Variants in MICAL3 observed in about 807,000 individuals in gnomAD.
MICAL3 encodes the protein microtubule associated monooxygenase, calponin and LIM domain containing 3.
A neutral mutation model predicts 207.4 loss-of-function variants in MICAL3; 62 were observed. That is an observed-to-expected ratio of 0.30 (90% CI 0.24 to 0.37). The LOEUF (loss-of-function observed/expected upper bound fraction) is 0.37, where lower values mean the gene tolerates loss of function less well. Among genes scored for constraint, MICAL3 ranks in the 10% least tolerant of loss-of-function variants. The pLI is 1.00. For synonymous variants in MICAL3, 1,077 were observed against 1,069.3 expected, an observed-to-expected ratio of 1.01 and a Z score of -0.14; for missense variants, 2,368 against 2,635.6, an observed-to-expected ratio of 0.90 and a Z score of 2.22.
intron 1 of MICAL3, among the ~76,000 whole-genome samples, chr22:17,919,526 G>A (rs1932750595): frequency 6.6e-6 from 1 of 152,212 alleles, no homozygotes; most frequent in South Asian, 2.1e-4. Context: ...CTGTGTATAT[G>A]AACTTCTCCA....
At chr22:17,800,936 C>A (rs1601926241) in intron 29 of MICAL3, among the ~76,000 whole-genome samples, 1 of 152,260 alleles carries the variant, frequency 6.6e-6, no homozygotes, top group South Asian at 2.1e-4. Flanking sequence ...GAGAACAGGG[C>A]CTAAAGTCCA....
rs148262440 is a variant in MICAL3, at chr22:17,903,696, A to T, written c.472+936T>A. 7.5e-4 allele frequency among the ~76,000 whole-genome samples: 114 copies of T among 152,298 alleles called. 3 individuals carry two copies. In the East Asian group the frequency reaches 0.015, roughly 20 times the overall value. Reference sequence around the variant, plus strand: ...TTCGCAGAGAACTGTGGGTCCCAAGATGCTTTACAAACTATAGCCAGCAGA... The same window carrying T: ...TTCGCAGAGAACTGTGGGTCCCAAGTTGCTTTACAAACTATAGCCAGCAGA... On this transcript the variant is annotated intron_variant, in intron 3 of 31. Transcript: ENST00000441493.
chr22:17,900,410 G>A lies in MICAL3; in HGVS notation c.847+432C>T, dbSNP rs1284883062. On this transcript the variant is annotated intron_variant, in intron 6 of 31. Transcript: ENST00000441493. The surrounding 1 kb of genome is among the most constrained non-coding windows in gnomAD (Gnocchi z 4.0). The stretch of plus-strand genomic sequence containing the variant: ...GAGCCCAGGAGTTTGGGAGCAGCCC[G>A]GGCAACATGGCGAAACTCCGTCTCT... Among the ~76,000 whole-genome samples, 3 of 152,296 alleles carry A rather than the reference G, an allele frequency of 2.0e-5. No homozygotes were observed. The highest frequency in any genetic ancestry group is 2.1e-4 in the South Asian group (1 of 4,830).
chr22:17,842,962 A>T (rs1003134411), intron 19 of MICAL3, among the ~76,000 whole-genome samples: 1 of 152,128 alleles, frequency 6.6e-6, no homozygotes, highest in Non-Finnish European at 1.5e-5. Flanking sequence ...TCTACTAAAA[A>T]TACAAAAAAT....
chr22:17,861,131 G>T lies in MICAL3; in HGVS notation c.2605+3768C>A. Reference sequence around the variant, plus strand: ...TCCATAAATGCCTAGAAGGGAAGGGGACGTGGGAAGCAGTAAGACTTCCGA... The same window carrying T: ...TCCATAAATGCCTAGAAGGGAAGGGTACGTGGGAAGCAGTAAGACTTCCGA... On this transcript the variant is annotated intron_variant, in intron 19 of 31. Transcript: ENST00000441493. The T allele has an allele frequency of 3.0e-6, 3 of 985,380 alleles. No individual in the cohort carries two copies. The African/African-American group carries it at 5.2e-5, about 17-fold the overall frequency. The allele number at this position is 985,380 out of a possible 1,614,324, so 61.0% of individuals were successfully genotyped here. A position where few individuals can be genotyped will look rare whatever the true frequency, so the allele number is the denominator to read the frequency against.
chr22:17,901,095 TC>T (rs1931281896), intron 5 of MICAL3, 98 bp from the exon 6 acceptor site: 1 of 1,212,702 alleles, frequency 8.2e-7, no homozygotes, highest in Admixed American at 1.7e-5. Flanking sequence ...ACAGGGAAAG[TC>T]AGGGATGAGA....
At chr22:17,918,580 G>A (rs536291996) in intron 1 of MICAL3, among the ~76,000 whole-genome samples, 19 of 152,164 alleles carry the variant, frequency 1.2e-4, no homozygotes, top group Middle Eastern at 3.4e-3. Flanking sequence ...GGTGGGAAAA[G>A]CACATAATAG....
chr22:17,906,578 T>C lies in MICAL3; in HGVS notation c.235A>G (p.Lys79Glu), dbSNP rs1280648060. ...LDKRGSHKDYKKGKACTNTKC... is the reference protein window; with the variant it reads ...LDKRGSHKDYEKGKACTNTKC... ...GTGTTAGTGCACGCTTTTCCCTTTT[T>C]GTAGTCTTTGTGACTGCCCCGTTTG... Residue 79 changes from lysine to glutamate, a missense_variant, in exon 2 of 32, where the codon AAA becomes GAA. Around this residue, in one of 4 missense-constraint regions of MICAL3, gnomAD observed 400 missense variants for 547.0 expected, o/e 0.73. Transcript: ENST00000441493. 7 of 1,612,532 alleles carry C rather than the reference T, an allele frequency of 4.3e-6. No homozygotes were observed. The South Asian group carries it at 7.7e-5, about 18-fold the overall frequency.
chr22:17,860,991 A>T, intron 19 of MICAL3: 1 of 984,920 alleles, frequency 1.0e-6, no homozygotes, highest in Non-Finnish European at 1.2e-6. Flanking sequence ...AGATCTATAT[A>T]CATACAAACG....
intron 1 of MICAL3, among the ~76,000 whole-genome samples, chr22:17,996,373 G>A (rs1317743314): frequency 6.6e-6 from 1 of 151,694 alleles, no homozygotes; most frequent in Non-Finnish European, 1.5e-5. Flanking sequence ...GAACCCGGGA[G>A]GCGGAGCTTG....
In MICAL3 at chr22:17,932,493, G is replaced by A. The variant is rs182751634; in HGVS notation, c.-74-25607C>T. Among the ~76,000 whole-genome samples the A allele has an allele frequency of 7.7e-3, 1,169 of 152,296 alleles. 8 individuals are homozygous for A. Among genetic ancestry groups the A allele is most frequent in the Middle Eastern group, 0.031 (9 of 294 alleles). ...CTGAAGGAAGCACTAAACATGGAAA[G>A]AAATGATCAGTACCAACCAATGCAA... On this transcript the variant is annotated intron_variant, in intron 1 of 31. Transcript: ENST00000441493.
chr22:17,832,189 C>T, intron 20 of MICAL3, 82 bp from the exon 21 acceptor site: 3 of 1,488,104 alleles, frequency 2.0e-6, no homozygotes, highest in East Asian at 2.5e-5. Flanking sequence ...CCATCAGAAA[C>T]AATGCATGTC....
rs1344324803 is a variant in MICAL3, at chr22:17,810,824, C to T, written c.5446-11G>A. Reference sequence around the variant, plus strand: ...CGTGTAGGTTCTTGGCTGGAGAGAACAAGAGAAACTTCCTCAGTCAGGTGC... The same window carrying T: ...CGTGTAGGTTCTTGGCTGGAGAGAATAAGAGAAACTTCCTCAGTCAGGTGC... On this transcript the variant is annotated splice_polypyrimidine_tract_variant and intron_variant, in intron 27 of 31. Coordinates refer to ENST00000441493, the MANE Select transcript of MICAL3 (RefSeq NM_015241.3). The T allele has an allele frequency of 4.3e-6, 7 of 1,610,516 alleles. No homozygotes were observed. Among genetic ancestry groups the T allele is most frequent in the Non-Finnish European group, 4.2e-6 (5 of 1,176,902 alleles).
intron 10 of MICAL3, 121 bp downstream of exon 10, chr22:17,895,163 G>T: frequency 1.0e-6 from 1 of 997,680 alleles, no homozygotes; most frequent in African/African-American, 1.6e-5. Flanking sequence ...ACATCTACCT[G>T]GATGACTAAA....
chr22:17,821,739 C>G (rs2146019404), intron 24 of MICAL3, among the ~76,000 whole-genome samples: 1 of 152,360 alleles, frequency 6.6e-6, no homozygotes, highest in Non-Finnish European at 1.5e-5. Context: ...CCAGGTCAGG[C>G]CGTGGGCTTC....
At chr22:17,795,048 T>C (rs369087717) in intron 29 of MICAL3, among the ~76,000 whole-genome samples, 1 of 152,150 alleles carries the variant, frequency 6.6e-6, no homozygotes, top group South Asian at 2.1e-4. Flanking sequence ...TGAATACAGG[T>C]GTTTTCTGTC....
chr22:17,836,869 T>A (rs906941427), intron 20 of MICAL3, among the ~76,000 whole-genome samples: 1 of 152,110 alleles, frequency 6.6e-6, no homozygotes, highest in African/African-American at 2.4e-5. Context: ...ATGGTCTCCA[T>A]CTCCTGACCT....
rs755389954 is a variant in MICAL3 at position 17,818,064 on chromosome 22, TGTC to T, written c.4594_4596del (p.Asp1532del). 32 of 1,613,010 alleles carry T rather than the reference TGTC, an allele frequency of 2.0e-5. No homozygotes were observed. Among genetic ancestry groups the T allele is most frequent in the African/African-American group, 4.0e-5 (3 of 74,908 alleles). ...TCCTGCAGGCTTGAGTCCTCAGTCT[TGTC>T]GTCATAGGTGTCCTCCACATCATCA... On this transcript the variant is annotated inframe_deletion, in exon 26 of 32. Transcript: ENST00000441493.
rs537096027 is a variant in MICAL3, at chr22:17,841,332, C to G, written c.2801+490G>C. 1 of 201,364 alleles carries G rather than the reference C, an allele frequency of 5.0e-6. No homozygotes were observed. Among genetic ancestry groups the G allele is most frequent in the African/African-American group, 2.3e-5 (1 of 43,912 alleles). 12.5% of individuals were successfully genotyped at this position (201,364 alleles called of 1,614,324 possible). A position where few individuals can be genotyped will look rare whatever the true frequency, so the allele number is the denominator to read the frequency against. On this transcript the variant is annotated intron_variant, in intron 20 of 31. Coordinates refer to ENST00000441493, the MANE Select transcript of MICAL3 (RefSeq NM_015241.3). The surrounding 1 kb of genome is among the most constrained non-coding windows in gnomAD (Gnocchi z 4.2). ...GCTGGATGTGATTACAGCTCTGGAA[C>G]TGCCTAAGCATGCATCCACTGGTGC... is the stretch of plus-strand genomic sequence containing the variant.
Sources: allele counts gnomAD v4.1 joint callset (sites outside exome capture counted in the v4.1 genomes callset), GRCh38; gene constraint gnomAD v4.1.1; regional missense constraint gnomAD v4.1.1; non-coding constraint Gnocchi (gnomAD v3.1); transcripts MANE v1.5; gene names NCBI Gene and HGNC (gene_info 2026-07-23, HGNC 2026-07-21).